CCSER1: variants seen among roughly 807,000 people sequenced by gnomAD.
The protein encoded by CCSER1 is coiled-coil serine rich protein 1.
CCSER1 carries 41 observed loss-of-function variants against 82.0 expected under a neutral mutation model. That is an observed-to-expected ratio of 0.50 (90% CI 0.39 to 0.65). CCSER1 has a LOEUF of 0.65. Among genes scored for constraint, CCSER1 ranks in the 30% least tolerant of loss-of-function variants. The probability of loss-of-function intolerance (pLI) is 0.00; values close to 1 mark genes in which losing one functional copy is unlikely to be tolerated. For missense variants in CCSER1, 1,119 were observed against 1,064.2 expected (o/e 1.05, Z -0.72); for synonymous variants, 414 against 383.9 (o/e 1.08, Z -0.92).
chr4:90,131,345 A>C (rs1253700501), intron 1 of CCSER1, among the ~76,000 whole-genome samples: 1 of 152,216 alleles, frequency 6.6e-6, no homozygotes, highest in African/African-American at 2.4e-5. Context: ...TTACTACAGT[A>C]GTGCAATAGA....
At chr4:90,844,007 G>A (rs1762886325) in intron 8 of CCSER1, among the ~76,000 whole-genome samples, 1 of 151,878 alleles carries the variant, frequency 6.6e-6, no homozygotes, top group African/African-American at 2.4e-5. Flanking sequence ...TATTTGTCAA[G>A]CACTCTATGA....
intron 10 of CCSER1, among the ~76,000 whole-genome samples, chr4:91,358,220 C>T (rs377118135): frequency 1.3e-5 from 2 of 151,776 alleles, no homozygotes; most frequent in African/African-American, 4.8e-5. Context: ...GGTCTAAAAC[C>T]AGCTGTTACT....
chr4:90,769,240 A>G (rs1751717561), intron 7 of CCSER1, among the ~76,000 whole-genome samples: 1 of 152,234 alleles, frequency 6.6e-6, no homozygotes, highest in Non-Finnish European at 1.5e-5. Flanking sequence ...TTGTCAAATG[A>G]TATAAACCCC....
intron 9 of CCSER1, among the ~76,000 whole-genome samples, chr4:91,077,411 A>T (rs369126106): frequency 1.4e-4 from 22 of 152,374 alleles, no homozygotes; most frequent in African/African-American, 5.3e-4. Flanking sequence ...CCAATAAAAA[A>T]TTACTGGACA....
At chr4:90,448,249 C>T (rs1013111289) in intron 4 of CCSER1, among the ~76,000 whole-genome samples, 2 of 151,398 alleles carry the variant, frequency 1.3e-5, no homozygotes, top group Admixed American at 1.3e-4. Flanking sequence ...GGATAACAAC[C>T]ATGATTTTAT....
chr4:90,866,171 C>T (rs926247852), intron 8 of CCSER1, among the ~76,000 whole-genome samples: 5 of 151,916 alleles, frequency 3.3e-5, no homozygotes, highest in African/African-American at 1.2e-4. Context: ...CAAACCATAT[C>T]ACTCCCCCAT....
rs145891056 is a variant in CCSER1, at chr4:91,152,413, C to G, written c.2217+66419C>G. 5.2e-3 allele frequency among the ~76,000 whole-genome samples: 792 copies of G among 152,282 alleles called. 6 individuals carry two copies. The highest frequency in any genetic ancestry group is 0.018 in the African/African-American group (749 of 41,554). ...TCCTGAATACAGCACACTGATGGGT[C>G]TTGACTCTTTATCCAATCTTTATCT... On this transcript the variant is annotated intron_variant, in intron 10 of 10. Coordinates refer to ENST00000509176, the MANE Select transcript of CCSER1 (RefSeq NM_001145065.2).
At chr4:90,405,665 C>T (rs1283760474) in intron 4 of CCSER1, among the ~76,000 whole-genome samples, 2 of 152,172 alleles carry the variant, frequency 1.3e-5, no homozygotes, top group Non-Finnish European at 2.9e-5. Flanking sequence ...GCAGATTTCT[C>T]AGCAGAAACC....
chr4:90,243,374 G>T (rs1365763706), intron 1 of CCSER1, among the ~76,000 whole-genome samples: 1 of 151,822 alleles, frequency 6.6e-6, no homozygotes, highest in African/African-American at 2.4e-5. Context: ...TCAGCCTCCT[G>T]AGTAGCTGGG....
Position 90,917,362 on chromosome 4 carries a change from T to C in CCSER1, c.2095-6008T>C, listed in dbSNP as rs191001487. Reference sequence around the variant, plus strand: ...AAAAATGATGAGTTCATATCCTTTGTAGGGACATGGATGAAGCTGGAAACC... The same window carrying C: ...AAAAATGATGAGTTCATATCCTTTGCAGGGACATGGATGAAGCTGGAAACC... On this transcript the variant is annotated intron_variant, in intron 8 of 10. Coordinates refer to ENST00000509176, the MANE Select transcript of CCSER1 (RefSeq NM_001145065.2). Among the ~76,000 whole-genome samples, 1,183 of 152,198 alleles carry C rather than the reference T, an allele frequency of 7.8e-3. 10 individuals carry two copies. Among genetic ancestry groups the C allele is most frequent in the African/African-American group, 0.028 (1,149 of 41,530 alleles).
chr4:91,185,827 G>T (rs988559819), intron 10 of CCSER1, among the ~76,000 whole-genome samples: 1 of 152,132 alleles, frequency 6.6e-6, no homozygotes, highest in African/African-American at 2.4e-5. Flanking sequence ...CAAGCTCCAG[G>T]AAATGGAGTA....
In CCSER1 at chr4:91,378,054, G is replaced by A. The variant is rs530088477; in HGVS notation, c.2218-220518G>A. 3.3e-5 allele frequency among the ~76,000 whole-genome samples: 5 copies of A among 152,220 alleles called. 1 individual carries two copies. The Middle Eastern group carries it at 0.017, about 518-fold the overall frequency. On this transcript the variant is annotated intron_variant, in intron 10 of 10. Transcript: ENST00000509176. Reference sequence around the variant, plus strand: ...TTGTCAGATTTGTCAAAGATCAGATGGTTGTAGATGTGTGGTATTATTTCT... The same window carrying A: ...TTGTCAGATTTGTCAAAGATCAGATAGTTGTAGATGTGTGGTATTATTTCT...
At chr4:90,130,650 T>G (rs1429486829) in intron 1 of CCSER1, among the ~76,000 whole-genome samples, 1 of 152,052 alleles carries the variant, frequency 6.6e-6, no homozygotes, top group African/African-American at 2.4e-5. Flanking sequence ...CTGAGATGGA[T>G]TTTTGCTCTG....
intron 5 of CCSER1, among the ~76,000 whole-genome samples, chr4:90,488,375 A>G (rs933337112): frequency 1.3e-5 from 2 of 151,952 alleles, no homozygotes; most frequent in African/African-American, 2.4e-5. Flanking sequence ...TTTAGTAGAG[A>G]TGGGGTTTCA....
intron 9 of CCSER1, among the ~76,000 whole-genome samples, chr4:91,083,424 G>C (rs537573764): frequency 8.2e-4 from 125 of 152,112 alleles, no homozygotes; most frequent in Admixed American, 7.3e-3. Flanking sequence ...GGTTGGCGGG[G>C]GGAAGGATAG....
chr4:90,800,768 G>A (rs576752565), intron 7 of CCSER1, among the ~76,000 whole-genome samples: 1 of 152,226 alleles, frequency 6.6e-6, no homozygotes, highest in South Asian at 2.1e-4. Flanking sequence ...ATGTTGTGTA[G>A]TAACTCATTC....
At chr4:90,201,174 T>C (rs1737636020) in intron 1 of CCSER1, among the ~76,000 whole-genome samples, 1 of 152,298 alleles carries the variant, frequency 6.6e-6, no homozygotes, top group East Asian at 1.9e-4. Flanking sequence ...AGGGCAAATA[T>C]ACACATTAAA....
intron 10 of CCSER1, among the ~76,000 whole-genome samples, chr4:91,223,992 C>T (rs1401010431): frequency 1.3e-5 from 2 of 150,864 alleles, no homozygotes; most frequent in East Asian, 3.9e-4. Flanking sequence ...AAGATTATTT[C>T]CAAACAATAT....
intron 6 of CCSER1, among the ~76,000 whole-genome samples, chr4:90,717,026 C>G (rs1346269501): frequency 6.6e-6 from 1 of 152,152 alleles, no homozygotes; most frequent in Non-Finnish European, 1.5e-5. Flanking sequence ...TGACTTCAGT[C>G]AATTCAGACA....
Sources: gnomAD v4.1 joint callset for allele counts (sites outside exome capture counted in the v4.1 genomes callset) on GRCh38, gnomAD v4.1.1 for gene constraint, MANE v1.5 for transcripts, NCBI Gene and HGNC (gene_info 2026-07-23, HGNC 2026-07-21) for gene names.